The following CLOCK variants were observed in gnomAD, a reference collection of about 807,000 sequenced individuals.
The protein encoded by CLOCK is clock circadian regulator.
CLOCK carries 43 observed loss-of-function variants against 118.4 expected under a neutral mutation model. The observed-to-expected ratio is 0.36, with a 90% confidence interval of 0.28 to 0.47. The LOEUF is 0.47. Ranked by LOEUF, CLOCK falls within the 20% of genes least tolerant of loss-of-function variation. The pLI, the probability that CLOCK is intolerant of heterozygous loss-of-function variation, is 1.00. For missense variants in CLOCK, 846 were observed against 999.9 expected (o/e 0.85, Z 2.08); for synonymous variants, 326 against 339.2 (o/e 0.96, Z 0.43).
Position 55,431,692 on chromosome 4 carries a change from C to A in CLOCK, c.*3723G>T, listed in dbSNP as rs569436934. 1 of 141,894 alleles carries A rather than the reference C, an allele frequency of 7.0e-6. No homozygotes were observed. The highest frequency in any genetic ancestry group is 1.6e-5 in the Non-Finnish European group (1 of 64,326). The allele number at this position is 141,894 out of a possible 1,614,324, so 8.8% of individuals were successfully genotyped here. A position where few individuals can be genotyped will look rare whatever the true frequency, so the allele number is the denominator to read the frequency against. Reference sequence around the variant, plus strand: ...ACACAAATATTCATCAACAAACTTTCAATTACCAAAGAAACAGAAAGAAAA... The same window carrying A: ...ACACAAATATTCATCAACAAACTTTAAATTACCAAAGAAACAGAAAGAAAA... On this transcript the variant is annotated 3_prime_UTR_variant, in exon 23 of 23. Transcript: ENST00000513440.
At chr4:55,438,143 T>C (rs1560411453) in intron 22 of CLOCK, 139 bp downstream of exon 22, 2 of 1,161,230 alleles carry the variant, frequency 1.7e-6, no homozygotes, top group Non-Finnish European at 2.4e-6. Context: ...GAACAAGCTT[T>C]CTATCTTTGT....
chr4:55,524,190 G>A (rs935915740), intron 1 of CLOCK, among the ~76,000 whole-genome samples: 2 of 151,796 alleles, frequency 1.3e-5, no homozygotes, highest in African/African-American at 4.8e-5. Context: ...GGAGTTTGAA[G>A]ACCAGCCTGG....
At position 55,544,700 on chromosome 4, in the gene CLOCK, C is replaced by A. The variant is rs527430129; in HGVS notation, c.-290+2082G>T. On this transcript the variant is annotated intron_variant, in intron 1 of 22. Coordinates refer to ENST00000513440, the MANE Select transcript of CLOCK (RefSeq NM_004898.4). ...TGGGGGAGGAGGATTTTTGTTTAAT[C>A]CAGTTTATGAGTCCATAATACACAC... Among the ~76,000 whole-genome samples, 7 of 152,232 alleles carry A rather than the reference C, an allele frequency of 4.6e-5. No individual in the cohort carries two copies. The East Asian group carries it at 1.2e-3, about 25-fold the overall frequency.
intron 1 of CLOCK, among the ~76,000 whole-genome samples, chr4:55,517,329 T>C (rs1729578027): frequency 6.6e-6 from 1 of 152,066 alleles, no homozygotes; most frequent in Admixed American, 6.5e-5. Context: ...GCTAATACAG[T>C]GAAACCCTGT....
intron 1 of CLOCK, among the ~76,000 whole-genome samples, chr4:55,519,941 T>G (rs547030623): frequency 6.6e-6 from 1 of 151,930 alleles, no homozygotes; most frequent in Admixed American, 6.6e-5. Flanking sequence ...GCATGAATTG[T>G]AGGATTAAAA....
At chr4:55,482,622 C>CA in intron 4 of CLOCK, 117 bp downstream of exon 4, 1 of 658,934 alleles carries the variant, frequency 1.5e-6, no homozygotes, top group Non-Finnish European at 2.5e-6. Context: ...AAACTGAATG[C>CA]AATAGTAATT....
chr4:55,453,566 T>C (rs1032466471), intron 14 of CLOCK, 111 bp downstream of exon 14: 48 of 785,850 alleles, frequency 6.1e-5, no homozygotes, highest in Non-Finnish European at 9.8e-5. Context: ...CTATCAGCAA[T>C]TGAGAAAAGA....
At chr4:55,491,268 TCAAA>T (rs1378336577) in intron 2 of CLOCK, among the ~76,000 whole-genome samples, 1 of 110,258 alleles carries the variant, frequency 9.1e-6, no homozygotes, top group Non-Finnish European at 1.9e-5. Context: ...AGGAAAGATC[TCAAA>T]CAATGCAACT....
chr4:55,439,797 T>TA (rs577368958), intron 21 of CLOCK, among the ~76,000 whole-genome samples: 49 of 152,260 alleles, frequency 3.2e-4, no homozygotes, highest in Middle Eastern at 3.4e-3. Context: ...ATGAGGTACT[T>TA]AGACTAGTCC....
chr4:55,442,378 T>C lies in CLOCK; in HGVS notation c.2105+54A>G, dbSNP rs571101314. The C allele has an allele frequency of 1.4e-5, 21 of 1,467,346 alleles. No individual in the cohort carries two copies. The Admixed American group carries it at 3.4e-4, about 24-fold the overall frequency. 90.9% of individuals were successfully genotyped at this position (1,467,346 alleles called of 1,614,324 possible). On this transcript the variant is annotated intron_variant, in intron 21 of 22. Coordinates refer to ENST00000513440, the MANE Select transcript of CLOCK (RefSeq NM_004898.4). Reference sequence around the variant, plus strand: ...TTGATTAAGAAATCAAATTATTGTTTTCTAATCAATCGGTTTACAATTTTA... The same window carrying C: ...TTGATTAAGAAATCAAATTATTGTTCTCTAATCAATCGGTTTACAATTTTA...
intron 1 of CLOCK, among the ~76,000 whole-genome samples, chr4:55,521,265 C>A (rs1046610493): frequency 1.3e-5 from 2 of 152,150 alleles, no homozygotes; most frequent in East Asian, 1.9e-4. Flanking sequence ...TGTTGCCAGG[C>A]TGGAGTGCAA....
chr4:55,520,541 C>T (rs746925125), intron 1 of CLOCK, among the ~76,000 whole-genome samples: 20 of 152,012 alleles, frequency 1.3e-4, no homozygotes, highest in Non-Finnish European at 2.5e-4. Flanking sequence ...CACAGGTATC[C>T]CACAGCTTCA....
At chr4:55,442,324 AG>A in intron 21 of CLOCK, 107 bp downstream of exon 21, 1 of 885,740 alleles carries the variant, frequency 1.1e-6, no homozygotes, top group Non-Finnish European at 1.8e-6. Context: ...GGCTGCAGTG[AG>A]CATCTCATTA....
chr4:55,475,848 T>C (rs974669736), intron 7 of CLOCK, 115 bp downstream of exon 7: 5 of 705,842 alleles, frequency 7.1e-6, no homozygotes, highest in Non-Finnish European at 1.3e-5. Flanking sequence ...TTAGCTTTAT[T>C]GCAGTGGTCT....
intron 1 of CLOCK, among the ~76,000 whole-genome samples, chr4:55,523,960 T>C (rs977173153): frequency 1.3e-5 from 2 of 152,174 alleles, no homozygotes; most frequent in African/African-American, 4.8e-5. Context: ...AATAATCTAT[T>C]TCCTTCCAGT....
chr4:55,535,608 T>G (rs1305263753), intron 1 of CLOCK, among the ~76,000 whole-genome samples: 1 of 152,140 alleles, frequency 6.6e-6, no homozygotes, highest in Non-Finnish European at 1.5e-5. Flanking sequence ...TGAACTAGTT[T>G]GAAGCAGGCC....
chr4:55,511,718 C>T (rs529363691), intron 1 of CLOCK, among the ~76,000 whole-genome samples: 3 of 152,184 alleles, frequency 2.0e-5, no homozygotes, highest in African/African-American at 4.8e-5. Context: ...CATATCACAC[C>T]GAATAGTTTC....
At chr4:55,536,354 C>G (rs1577874895) in intron 1 of CLOCK, among the ~76,000 whole-genome samples, 1 of 152,154 alleles carries the variant, frequency 6.6e-6, no homozygotes, top group African/African-American at 2.4e-5. Context: ...CTCCAAATCT[C>G]ATGATGAAAT....
chr4:55,537,664 C>T (rs1268128551), intron 1 of CLOCK, among the ~76,000 whole-genome samples: 1 of 151,996 alleles, frequency 6.6e-6, no homozygotes, highest in Non-Finnish European at 1.5e-5. Flanking sequence ...CATGGTGGCA[C>T]ATGCCTGCAG....
Sources: allele counts gnomAD v4.1 joint callset (sites outside exome capture counted in the v4.1 genomes callset), GRCh38; gene constraint gnomAD v4.1.1; transcripts MANE v1.5; gene names NCBI Gene and HGNC (gene_info 2026-07-23, HGNC 2026-07-21).